Variants in COL21A1 observed in about 807,000 individuals in gnomAD.
COL21A1 encodes the protein collagen type XXI alpha 1 chain, also known as collagen alpha-1(XXI) chain.
Under a neutral mutation model 137.9 loss-of-function variants are expected in COL21A1, and 149 were observed. That is an observed-to-expected ratio of 1.08 (90% confidence interval 0.95 to 1.24). COL21A1 has a LOEUF of 1.24. Among genes scored for constraint, COL21A1 ranks in the 50% most tolerant of loss-of-function variants. The pLI, the probability that COL21A1 is intolerant of heterozygous loss-of-function variation, is 0.00. For missense variants in COL21A1, 1,167 were observed against 1,158.4 expected (o/e 1.01, Z -0.11); for synonymous variants, 456 against 391.5 (o/e 1.16, Z -1.95).
At chr6:56,272,326 G>A (rs1763548184) in intron 1 of COL21A1, among the ~76,000 whole-genome samples, 1 of 152,192 alleles carries the variant, frequency 6.6e-6, no homozygotes, top group Admixed American at 6.5e-5. Context: ...CCAGGTTTTG[G>A]ACTTGAATGG....
At chr6:56,187,278 C>T (rs1408886770) in intron 1 of COL21A1, among the ~76,000 whole-genome samples, 3 of 152,066 alleles carry the variant, frequency 2.0e-5, no homozygotes, top group Non-Finnish European at 4.4e-5. Flanking sequence ...CATGGTAACC[C>T]ACTAATAAAC....
At chr6:56,304,004 C>T (rs4712125) in intron 1 of COL21A1, among the ~76,000 whole-genome samples, 23,656 of 152,080 alleles carry the variant, frequency 0.16, 3,340 homozygotes, top group East Asian at 0.59. Context: ...CGGTTTTTGT[C>T]GTTGGTTCTG....
intron 1 of COL21A1, among the ~76,000 whole-genome samples, chr6:56,188,322 T>C (rs1238365429): frequency 1.3e-5 from 2 of 152,208 alleles, no homozygotes; most frequent in Non-Finnish European, 2.9e-5. Flanking sequence ...CAAAAGACTT[T>C]AGCAATGTTT....
intron 12 of COL21A1, among the ~76,000 whole-genome samples, chr6:56,134,663 G>A (rs1773840309): frequency 6.6e-6 from 1 of 152,210 alleles, no homozygotes. Flanking sequence ...CCACTTGTGG[G>A]AGGAACCCAA....
chr6:56,191,171 G>C (rs1238096220), intron 1 of COL21A1, among the ~76,000 whole-genome samples: 1 of 152,130 alleles, frequency 6.6e-6, no homozygotes, highest in African/African-American at 2.4e-5. Flanking sequence ...AATTTTCTCA[G>C]TTTGCAGATG....
chr6:56,275,741 A>C (rs910756840), intron 1 of COL21A1, among the ~76,000 whole-genome samples: 9 of 152,102 alleles, frequency 5.9e-5, no homozygotes, highest in Non-Finnish European at 1.0e-4. Context: ...TGGCAATGCT[A>C]TGGGAAAAGG....
At chr6:56,337,122 G>A (rs938188932) in intron 1 of COL21A1, among the ~76,000 whole-genome samples, 4 of 152,040 alleles carry the variant, frequency 2.6e-5, no homozygotes, top group South Asian at 4.2e-4. Flanking sequence ...TTTCCTGGAT[G>A]CTCTTCTTGA....
At chr6:56,373,881 C>T (rs901747091) in intron 1 of COL21A1, among the ~76,000 whole-genome samples, 5 of 152,096 alleles carry the variant, frequency 3.3e-5, no homozygotes, top group Non-Finnish European at 7.4e-5. Flanking sequence ...ATCCTTTGAC[C>T]AACATCTCCT....
chr6:56,280,523 G>A (rs1459968331), intron 1 of COL21A1, among the ~76,000 whole-genome samples: 1 of 152,128 alleles, frequency 6.6e-6, no homozygotes, highest in Non-Finnish European at 1.5e-5. Context: ...GGGCTCACCT[G>A]TCTTTATGGT....
At chr6:56,177,034 G>A (rs1340065191) in intron 3 of COL21A1, among the ~76,000 whole-genome samples, 2 of 151,776 alleles carry the variant, frequency 1.3e-5, no homozygotes, top group African/African-American at 4.8e-5. Context: ...AGAAGAGGAG[G>A]AGGAGGAAGT....
intron 8 of COL21A1, 97 bp from the exon 9 acceptor site, chr6:56,164,603 C>A: frequency 1.0e-6 from 1 of 987,604 alleles, no homozygotes; most frequent in Non-Finnish European, 1.5e-6. Flanking sequence ...TGTAAAATGG[C>A]AAAAATATCT....
chr6:56,356,153 G>T (rs541149010), intron 1 of COL21A1, among the ~76,000 whole-genome samples: 2 of 152,300 alleles, frequency 1.3e-5, no homozygotes, highest in South Asian at 4.1e-4. Context: ...ACCAAGAACA[G>T]AATAATGAGT....
At chr6:56,210,952 C>T (rs949448647) in intron 1 of COL21A1, among the ~76,000 whole-genome samples, 1 of 151,692 alleles carries the variant, frequency 6.6e-6, no homozygotes, top group African/African-American at 2.4e-5. Context: ...TCAGAGAAAA[C>T]TGAACATGGA....
chr6:56,164,720 T>C, intron 8 of COL21A1, 94 bp downstream of exon 8: 4 of 1,037,478 alleles, frequency 3.9e-6, no homozygotes, highest in Non-Finnish European at 5.6e-6. Flanking sequence ...GGGTTCCATT[T>C]GTCTAATATA....
intron 14 of COL21A1, 147 bp from the exon 15 acceptor site, chr6:56,124,439 C>G (rs1393280436): frequency 1.4e-6 from 1 of 706,584 alleles, no homozygotes; most frequent in Non-Finnish European, 2.4e-6. Flanking sequence ...CTGCAAAGCA[C>G]TATTTTACCA....
At chr6:56,338,450 G>A (rs1029677249) in intron 1 of COL21A1, among the ~76,000 whole-genome samples, 7 of 152,000 alleles carry the variant, frequency 4.6e-5, no homozygotes, top group African/African-American at 9.7e-5. Flanking sequence ...GACCCTTTCT[G>A]AGCCCTGCCC....
chr6:56,362,845 G>A (rs149209668), intron 1 of COL21A1, among the ~76,000 whole-genome samples: 3 of 152,168 alleles, frequency 2.0e-5, no homozygotes, highest in South Asian at 2.1e-4. Context: ...CCCAGGTCCC[G>A]GGCCGGTGCG....
At chr6:56,229,882 A>G (rs1157306566) in intron 1 of COL21A1, among the ~76,000 whole-genome samples, 4 of 151,750 alleles carry the variant, frequency 2.6e-5, no homozygotes, top group African/African-American at 9.7e-5. Flanking sequence ...CTCCACCACC[A>G]CCACCAGCAG....
intron 24 of COL21A1, among the ~76,000 whole-genome samples, chr6:56,063,163 C>G (rs969105829): frequency 1.3e-5 from 2 of 152,026 alleles, no homozygotes; most frequent in Admixed American, 6.6e-5. Context: ...TTCTAGGGAA[C>G]CCAAATCCTG....
Sources: allele counts gnomAD v4.1 joint callset (sites outside exome capture counted in the v4.1 genomes callset), GRCh38; gene constraint gnomAD v4.1.1; transcripts MANE v1.5; gene names NCBI Gene and HGNC (gene_info 2026-07-23, HGNC 2026-07-21).